Variants in HIP1 observed in about 807,000 individuals in gnomAD.
The protein encoded by HIP1 is huntingtin interacting protein 1.
In HIP1, 65 loss-of-function variants were observed where a neutral mutation model predicts 147.6. The ratio of observed to expected loss-of-function variants is 0.44; its 90% CI spans 0.36 to 0.54. The LOEUF is 0.54. HIP1 is among the 20% of genes least tolerant of loss of function. HIP1 has a pLI of 0.00. For synonymous variants in HIP1, 479 were observed against 504.0 expected (o/e 0.95, Z 0.67); for missense variants, 1,061 against 1,299.6 (o/e 0.82, Z 2.82).
intron 1 of HIP1, among the ~76,000 whole-genome samples, chr7:75,635,916 A>G (rs1197171432): frequency 1.3e-5 from 2 of 149,878 alleles, no homozygotes; most frequent in South Asian, 2.1e-4. Flanking sequence ...CCAGCTACCC[A>G]GGAGGCTGAG....
chr7:75,627,641 G>A (rs782803943), intron 1 of HIP1, among the ~76,000 whole-genome samples: 47 of 152,272 alleles, frequency 3.1e-4, no homozygotes, highest in South Asian at 1.0e-3. Flanking sequence ...TTTATTGTGG[G>A]TAGCATCAAG....
At position 75,534,894 on chromosome 7, in the gene HIP1, A is replaced by G. The variant is rs1345069438; in HGVS notation, c.*3278T>C. On this transcript the variant is annotated 3_prime_UTR_variant, in exon 31 of 31. Transcript: ENST00000336926. ...CATGACCCATTTACGCTCACCCGAG[A>G]CTTGTCACTAGTGATGCTCAGTGAC... 4.8e-6 allele frequency: 1 copy of G among 207,074 alleles called. No individual in the cohort carries two copies. The highest frequency in any genetic ancestry group is 5.9e-5 in the Admixed American group (1 of 16,826). The allele number at this position is 207,074 out of a possible 1,614,324, so 12.8% of individuals were successfully genotyped here.
At chr7:75,727,419 TTTA>T (rs1306682806) in intron 1 of HIP1, among the ~76,000 whole-genome samples, 2 of 151,986 alleles carry the variant, frequency 1.3e-5, no homozygotes, top group African/African-American at 4.8e-5. Context: ...TTTTTTTTTT[TTTA>T]AAGTTTTTTG....
In HIP1 at chr7:75,599,499, C is replaced by T. The variant is rs1425276769; in HGVS notation, c.121-252G>A. Among the ~76,000 whole-genome samples the T allele has an allele frequency of 7.9e-5, 12 of 152,312 alleles. No homozygotes were observed. The South Asian group carries it at 1.0e-3, about 13-fold the overall frequency. On this transcript the variant is annotated intron_variant, in intron 1 of 30. Coordinates refer to ENST00000336926, the MANE Select transcript of HIP1 (RefSeq NM_005338.7). ...ATTGGCTGTGCCCAGCTGCTGCTCC[C>T]GCCTGCCACTCACTCCCTTGGCACA...
chr7:75,638,436 C>T (rs1798516821), intron 1 of HIP1, among the ~76,000 whole-genome samples: 1 of 152,058 alleles, frequency 6.6e-6, no homozygotes, highest in South Asian at 2.1e-4. Context: ...TCCAGAGGAG[C>T]CCATTTCTAA....
At chr7:75,636,007 A>G (rs1365918597) in intron 1 of HIP1, among the ~76,000 whole-genome samples, 4 of 147,224 alleles carry the variant, frequency 2.7e-5, no homozygotes, top group African/African-American at 1.0e-4. Flanking sequence ...CCTGGGCAAC[A>G]GAACAAGACC....
chr7:75,570,584 C>T (rs1229510638), intron 8 of HIP1, among the ~76,000 whole-genome samples: 5 of 152,112 alleles, frequency 3.3e-5, no homozygotes, highest in African/African-American at 1.2e-4. Context: ...AGCCACCGTG[C>T]CCGGCCAGTT....
At chr7:75,658,174 G>A (rs1554513048) in intron 1 of HIP1, among the ~76,000 whole-genome samples, 4 of 152,080 alleles carry the variant, frequency 2.6e-5, no homozygotes, top group Non-Finnish European at 5.9e-5. Context: ...TCTCACTGCA[G>A]CCTTCACCTC....
chr7:75,639,582 T>TGTGTGTGTGTGTGTGTGTGG, intron 1 of HIP1, among the ~76,000 whole-genome samples: 1 of 149,904 alleles, frequency 6.7e-6, no homozygotes, highest in African/African-American at 2.5e-5. Flanking sequence ...TGTGTGTGTG[T>TGTGTGTGTGTGTGTGTGTGG]GTGTGTGTGT....
intron 1 of HIP1, among the ~76,000 whole-genome samples, chr7:75,738,084 C>T (rs782088572): frequency 1.3e-5 from 2 of 152,040 alleles, no homozygotes; most frequent in Non-Finnish European, 2.9e-5. Context: ...GGGCAGTCTG[C>T]CTATTAGCTG....
intron 1 of HIP1, among the ~76,000 whole-genome samples, chr7:75,660,706 T>C (rs1554513474): frequency 6.6e-6 from 1 of 152,152 alleles, no homozygotes; most frequent in African/African-American, 2.4e-5. Flanking sequence ...ACGTGGTTTG[T>C]TGGCCTCCTT....
rs373860824 is a variant in HIP1 at position 75,592,376 on chromosome 7, G to A, written c.323C>T (p.Pro108Leu). ...CCCATAGCCCCAGGAACTCACGTTC[G>A]GGTGTCCATCTCGGAGGAGTTTGTG... ...VFHKLLRDGH[P>L]NVLKDSLRYR... Residue 108 changes from proline (P) to leucine (L), a missense_variant, in exon 3 of 31, where the codon CCG becomes CTG. Coordinates refer to ENST00000336926, the MANE Select transcript of HIP1 (RefSeq NM_005338.7). 80 of 1,604,990 alleles carry A rather than the reference G, an allele frequency of 5.0e-5. No homozygotes were observed. The highest frequency in any genetic ancestry group is 6.7e-5 in the African/African-American group (5 of 74,328).
At chr7:75,561,006 G>T (rs1183683026) in intron 13 of HIP1, among the ~76,000 whole-genome samples, 1 of 149,630 alleles carries the variant, frequency 6.7e-6, no homozygotes, top group Non-Finnish European at 1.5e-5. Flanking sequence ...AGGCTGGAGT[G>T]CAGTGACACG....
intron 2 of HIP1, among the ~76,000 whole-genome samples, chr7:75,595,666 A>T (rs1247531459): frequency 3.9e-5 from 6 of 152,150 alleles, no homozygotes; most frequent in Admixed American, 3.9e-4. Flanking sequence ...CGATTTCTGA[A>T]ATAATTCAGA....
intron 1 of HIP1, among the ~76,000 whole-genome samples, chr7:75,622,131 A>C (rs937851624): frequency 6.6e-6 from 1 of 152,026 alleles, no homozygotes; most frequent in African/African-American, 2.4e-5. Context: ...AAATACAAAA[A>C]TTAGCCAGAT....
intron 1 of HIP1, among the ~76,000 whole-genome samples, chr7:75,720,507 T>A (rs1363327273): frequency 6.6e-6 from 1 of 152,176 alleles, no homozygotes; most frequent in Admixed American, 6.6e-5. Context: ...GAGCCTACTC[T>A]GGCTCTAAAG....
intron 27 of HIP1, 125 bp downstream of exon 27, chr7:75,544,570 C>T (rs1385610650): frequency 1.4e-6 from 1 of 698,844 alleles, no homozygotes; most frequent in Non-Finnish European, 2.6e-6. Flanking sequence ...CAAGTGCCAT[C>T]TAACCTGGCC....
At chr7:75,540,626 A>AC (rs1794270787) in intron 29 of HIP1, among the ~76,000 whole-genome samples, 1 of 151,966 alleles carries the variant, frequency 6.6e-6, no homozygotes, top group Non-Finnish European at 1.5e-5. Flanking sequence ...AAGAAAAAAA[A>AC]ATGCTGAGTG....
chr7:75,567,171 G>GTT lies in HIP1; in HGVS notation c.803+1026_803+1027dup, dbSNP rs1276477822. On this transcript the variant is annotated intron_variant, in intron 9 of 30. Coordinates refer to ENST00000336926, the MANE Select transcript of HIP1 (RefSeq NM_005338.7). ...AATGGAGAGAGAAAGGTTTTTTTTT[G>GTT]TTTTTTTTTTTTGAGAAAACCTAAA... Among the ~76,000 whole-genome samples, 29 of 138,786 alleles carry GTT rather than the reference G, an allele frequency of 2.1e-4. 1 individual carries two copies. The highest frequency in any genetic ancestry group is 6.4e-4 in the African/African-American group (24 of 37,298). 91.0% of individuals were successfully genotyped at this position (138,786 alleles called of 152,430 possible). A position where few individuals can be genotyped will look rare whatever the true frequency, so the allele number is the denominator to read the frequency against.
Sources: allele counts gnomAD v4.1 joint callset (sites outside exome capture counted in the v4.1 genomes callset), GRCh38; gene constraint gnomAD v4.1.1; transcripts MANE v1.5; gene names NCBI Gene and HGNC (gene_info 2026-07-23, HGNC 2026-07-21).